Variants in HMCN1 observed in about 807,000 individuals in gnomAD.
HMCN1 encodes hemicentin-1.
HMCN1 carries 321 observed loss-of-function variants against 625.9 expected under a neutral mutation model. The observed-to-expected ratio is 0.51, with a 90% CI of 0.47 to 0.56. HMCN1 has a LOEUF of 0.56. Ranked by LOEUF, HMCN1 falls within the 20% of genes least tolerant of loss-of-function variation. The pLI is 0.00. For synonymous variants in HMCN1, 2,425 were observed against 2,417.6 expected (o/e 1.00, Z -0.09); for missense variants, 6,588 against 6,887.3 (o/e 0.96, Z 1.54).
chr1:186,185,867 C>T (rs1349921129), intron 105 of HMCN1, among the ~76,000 whole-genome samples: 1 of 152,178 alleles, frequency 6.6e-6, no homozygotes, highest in African/African-American at 2.4e-5. Flanking sequence ...CAATTTACTC[C>T]ATTTAATTGT....
intron 2 of HMCN1, among the ~76,000 whole-genome samples, chr1:185,848,737 C>A (rs1331422568): frequency 6.6e-6 from 1 of 152,098 alleles, no homozygotes; most frequent in African/African-American, 2.4e-5. Context: ...ATTCTGGTTA[C>A]CCAGCCAAAT....
At chr1:186,121,084 C>A (rs923122617) in intron 80 of HMCN1, among the ~76,000 whole-genome samples, 11 of 151,912 alleles carry the variant, frequency 7.2e-5, no homozygotes, top group Non-Finnish European at 1.3e-4. Flanking sequence ...GGTGGAGTGT[C>A]CAAAGGAGAG....
At chr1:186,088,561 T>G in intron 62 of HMCN1, 45 bp from the exon 63 acceptor site, 1 of 1,593,470 alleles carries the variant, frequency 6.3e-7, no homozygotes, top group East Asian at 2.2e-5. Context: ...ATGTTAAAGT[T>G]TAAAGGTTTT....
chr1:186,163,427 A>G (rs1651661585), intron 97 of HMCN1, among the ~76,000 whole-genome samples: 1 of 152,208 alleles, frequency 6.6e-6, no homozygotes, highest in Non-Finnish European at 1.5e-5. Context: ...ACCTGCACCC[A>G]CTGTCTGGCA....
At chr1:185,892,568 C>T (rs939478601) in intron 4 of HMCN1, among the ~76,000 whole-genome samples, 1 of 152,136 alleles carries the variant, frequency 6.6e-6, no homozygotes, top group Non-Finnish European at 1.5e-5. Context: ...GAGTACCCAG[C>T]AGTGTGAGGT....
In HMCN1 at chr1:186,153,878, G is replaced by A. The variant is rs763123155; in HGVS notation, c.15147G>A (p.Gln5049=). The stretch of plus-strand genomic sequence containing the variant: ...ACACCGTTTTCTATGATCAGGCACA[G>A]GGAAGAATGCCTTTCTTGGTTGAAA... The part of the protein sequence containing the change: ...WNHTVFYDQA[Q]GRMPFLVETL... The change falls in exon 97 of 107, where the codon CAG becomes CAA. Residue 5049 remains glutamine, a synonymous_variant. Transcript: ENST00000271588. 11 of 1,614,014 alleles carry A rather than the reference G, an allele frequency of 6.8e-6. No individual in the cohort carries two copies. The African/African-American group carries it at 9.3e-5, about 14-fold the overall frequency.
chr1:186,088,075 C>T (rs1659623152), intron 61 of HMCN1, 62 bp downstream of exon 61: 1 of 1,610,296 alleles, frequency 6.2e-7, no homozygotes, highest in Non-Finnish European at 8.5e-7. Context: ...AAAAGTGTTC[C>T]AAATTAGCTT....
chr1:185,857,465 TTGTG>T (rs34112345), intron 2 of HMCN1, among the ~76,000 whole-genome samples: 1 of 148,874 alleles, frequency 6.7e-6, no homozygotes, highest in Admixed American at 6.7e-5. Flanking sequence ...TACCTTTCAT[TTGTG>T]TGTGTGTGTG....
chr1:186,169,072 C>A (rs1244105102), intron 100 of HMCN1, among the ~76,000 whole-genome samples: 1 of 152,124 alleles, frequency 6.6e-6, no homozygotes, highest in Admixed American at 6.5e-5. Context: ...CCAGCTTCAT[C>A]CATGTCCCTG....
chr1:186,051,970 G>T (rs1656980975), intron 42 of HMCN1, among the ~76,000 whole-genome samples: 1 of 151,942 alleles, frequency 6.6e-6, no homozygotes, highest in African/African-American at 2.4e-5. Flanking sequence ...GGCTTCTGAT[G>T]GAAAATGGGA....
At chr1:185,960,190 G>T (rs534138603) in intron 11 of HMCN1, among the ~76,000 whole-genome samples, 6 of 141,342 alleles carry the variant, frequency 4.2e-5, no homozygotes, top group Non-Finnish European at 7.5e-5. Flanking sequence ...GCTCAGTGGT[G>T]TGATCTTGGC....
intron 46 of HMCN1, 65 bp from the exon 47 acceptor site, chr1:186,061,786 T>C: frequency 9.1e-7 from 1 of 1,101,090 alleles, no homozygotes; most frequent in Non-Finnish European, 1.4e-6. Context: ...GAGCATCACT[T>C]GGATGGCTTA....
Position 186,189,582 on chromosome 1 carries a change from C to T in HMCN1, c.16612C>T (p.Leu5538Phe), listed in dbSNP as rs369798131. 47 of 1,613,540 alleles carry T rather than the reference C, an allele frequency of 2.9e-5. No homozygotes were observed. The highest frequency in any genetic ancestry group is 1.6e-4 in the Middle Eastern group (1 of 6,076). Residue 5538 changes from leucine to phenylalanine, a missense_variant, in exon 107 of 107, where the codon CTC (leucine) becomes TTC (phenylalanine). By Grantham distance (22) the Leu-to-Phe change is conservative. This residue lies in a region of HMCN1 where 1,954 missense variants were observed against 2,013.1 expected (regional missense o/e 0.97). Coordinates refer to ENST00000271588, the MANE Select transcript of HMCN1 (RefSeq NM_031935.3). ...ALSPYALEYK[L>F]VSLPFGIATN... ...GAGCCCATATGCCTTGGAATACAAA[C>T]TCGTCTCCCTCCCATTTGGAATAGC...
At chr1:185,868,798 A>G (rs1663429376) in intron 4 of HMCN1, among the ~76,000 whole-genome samples, 2 of 152,346 alleles carry the variant, frequency 1.3e-5, no homozygotes, top group African/African-American at 4.8e-5. Flanking sequence ...AATACTTTAT[A>G]AAAATTTGAT....
intron 1 of HMCN1, among the ~76,000 whole-genome samples, chr1:185,767,055 T>C (rs187722323): frequency 6.6e-6 from 1 of 151,980 alleles, no homozygotes. Context: ...TAACAAAGGC[T>C]TAATGTGTTT....
intron 9 of HMCN1, among the ~76,000 whole-genome samples, chr1:185,926,448 T>A (rs982924538): frequency 6.6e-6 from 1 of 152,218 alleles, no homozygotes; most frequent in Non-Finnish European, 1.5e-5. Flanking sequence ...TATAAAATGA[T>A]GAAGCTACAT....
chr1:185,842,419 C>G (rs1447745320), intron 1 of HMCN1, among the ~76,000 whole-genome samples: 1 of 151,982 alleles, frequency 6.6e-6, no homozygotes. Context: ...AAAAATTAGC[C>G]AGGCATGGTG....
At chr1:185,802,266 T>A (rs1571373497) in intron 1 of HMCN1, among the ~76,000 whole-genome samples, 2 of 152,146 alleles carry the variant, frequency 1.3e-5, no homozygotes, top group East Asian at 3.9e-4. Flanking sequence ...AATAATCAGA[T>A]TGAAGGGTAG....
intron 23 of HMCN1, 28 bp from the exon 24 acceptor site, chr1:185,994,787 A>T: frequency 6.2e-7 from 1 of 1,607,282 alleles, no homozygotes; most frequent in Non-Finnish European, 8.5e-7. Flanking sequence ...TGAAAGTTGG[A>T]TTATTAATAC....
Sources: allele counts gnomAD v4.1 joint callset (sites outside exome capture counted in the v4.1 genomes callset), GRCh38; gene constraint gnomAD v4.1.1; regional missense constraint gnomAD v4.1.1; transcripts MANE v1.5; gene names NCBI Gene and HGNC (gene_info 2026-07-23, HGNC 2026-07-21).